TSHZ3: variants seen among roughly 807,000 people sequenced by gnomAD.
TSHZ3 encodes teashirt homolog 3.
Under a neutral mutation model 64.5 loss-of-function variants are expected in TSHZ3, and 10 were observed. The observed-to-expected ratio is 0.16, with a 90% CI of 0.10 to 0.26. The LOEUF (loss-of-function observed/expected upper bound fraction) is 0.26. TSHZ3 is among the 10% of genes least tolerant of loss of function. The pLI is 1.00. For missense variants in TSHZ3, 1,242 were observed against 1,421.7 expected (o/e 0.87, Z 2.03); for synonymous variants, 608 against 593.1 (o/e 1.03, Z -0.36).
At chr19:31,241,636 A>G (rs1305110969) in intron 3 of TSHZ3, among the ~76,000 whole-genome samples, 1 of 152,170 alleles carries the variant, frequency 6.6e-6, no homozygotes, top group Non-Finnish European at 1.5e-5. Flanking sequence ...TGCAGACTGC[A>G]GCCATTTGAA....
chr19:31,176,837 C>A (rs541126179), intron 5 of TSHZ3, among the ~76,000 whole-genome samples: 12 of 151,916 alleles, frequency 7.9e-5, no homozygotes, highest in African/African-American at 2.9e-4. Flanking sequence ...AAAAACACAA[C>A]GAGATACCAC....
At chr19:31,343,774 GT>G (rs765231750) in intron 1 of TSHZ3, among the ~76,000 whole-genome samples, 17 of 146,900 alleles carry the variant, frequency 1.2e-4, no homozygotes, top group Admixed American at 5.4e-4. Context: ...TACAATTCAG[GT>G]TTTTTTTTTG....
intron 1 of TSHZ3, among the ~76,000 whole-genome samples, chr19:31,267,689 G>A (rs901708647): frequency 2.0e-5 from 3 of 151,796 alleles, no homozygotes; most frequent in Admixed American, 6.6e-5. Context: ...GTCCCCACTC[G>A]CCCTTTGGAA....
chr19:31,232,925 T>C (rs1418523639), intron 3 of TSHZ3, among the ~76,000 whole-genome samples: 1 of 152,252 alleles, frequency 6.6e-6, no homozygotes, highest in Non-Finnish European at 1.5e-5. Context: ...CTGAGTAGTA[T>C]TCCGTGGTCT....
chr19:31,238,345 T>TC (rs1975646817), intron 3 of TSHZ3, among the ~76,000 whole-genome samples: 1 of 149,172 alleles, frequency 6.7e-6, no homozygotes, highest in Non-Finnish European at 1.5e-5. Flanking sequence ...AACCTCCACC[T>TC]CCCAGGTTCA....
chr19:31,250,746 A>C (rs1213154390), intron 1 of TSHZ3, among the ~76,000 whole-genome samples: 1 of 152,154 alleles, frequency 6.6e-6, no homozygotes, highest in Non-Finnish European at 1.5e-5. Flanking sequence ...AGTGGGGACA[A>C]GAATCATATT....
In TSHZ3 at chr19:31,276,704, G is replaced by T. The variant is rs546169817; in HGVS notation, c.3089C>A (p.Thr1030Lys). Residue 1030 changes from threonine (T) to lysine (K), a missense_variant, in exon 2 of 2, where the codon ACG (threonine) becomes AAG (lysine). Transcript: ENST00000240587. ...CCCCAGGTCTTCCTCGGGGGAGGAC[G>T]TCACCATTTTTTCTGACGGTGACTT... ...QTKSPSEKMV[T>K]SSPEEDLGTS... 2.5e-6 allele frequency: 4 copies of T among 1,613,552 alleles called. No homozygotes were observed. In the African/African-American group the frequency reaches 4.0e-5, roughly 16 times the overall value.
chr19:31,310,069 A>G (rs940304530), intron 1 of TSHZ3, among the ~76,000 whole-genome samples: 2 of 152,140 alleles, frequency 1.3e-5, no homozygotes, highest in African/African-American at 2.4e-5. Flanking sequence ...AATGCATGCA[A>G]GTATGTTTTC....
At chr19:31,219,560 C>T (rs1975373619) in intron 4 of TSHZ3, among the ~76,000 whole-genome samples, 1 of 152,044 alleles carries the variant, frequency 6.6e-6, no homozygotes, top group Non-Finnish European at 1.5e-5. Flanking sequence ...AATACAATAG[C>T]CACTAAAGAT....
intron 5 of TSHZ3, among the ~76,000 whole-genome samples, chr19:31,167,116 T>C (rs1306016807): frequency 6.6e-6 from 1 of 152,206 alleles, no homozygotes; most frequent in Non-Finnish European, 1.5e-5. Flanking sequence ...TTTGAGAAGA[T>C]GGACTGGAAA....
intron 1 of TSHZ3, among the ~76,000 whole-genome samples, chr19:31,320,391 G>A (rs368844396): frequency 6.6e-6 from 1 of 152,082 alleles, no homozygotes; most frequent in Non-Finnish European, 1.5e-5. Flanking sequence ...CGTGGCTGCC[G>A]TTCCTTCATT....
intron 5 of TSHZ3, among the ~76,000 whole-genome samples, chr19:31,189,268 G>A (rs923004063): frequency 6.6e-6 from 1 of 151,782 alleles, no homozygotes; most frequent in African/African-American, 2.4e-5. Context: ...TCTGTTCACT[G>A]TTGCCCTTCT....
At chr19:31,315,051 C>T (rs1322798207) in intron 1 of TSHZ3, among the ~76,000 whole-genome samples, 1 of 152,214 alleles carries the variant, frequency 6.6e-6, no homozygotes, top group Non-Finnish European at 1.5e-5. Context: ...GCACTGGACA[C>T]TTCTGTCCTG....
chr19:31,341,958 G>A (rs930212248), intron 1 of TSHZ3, among the ~76,000 whole-genome samples: 1 of 152,194 alleles, frequency 6.6e-6, no homozygotes, highest in Non-Finnish European at 1.5e-5. Flanking sequence ...CTCTCCTTTA[G>A]AATATCAATG....
chr19:31,193,894 G>A (rs1385934529), intron 5 of TSHZ3, among the ~76,000 whole-genome samples: 2 of 152,138 alleles, frequency 1.3e-5, no homozygotes, highest in Non-Finnish European at 2.9e-5. Flanking sequence ...TAGAAAAATA[G>A]TAATGTTTTC....
At position 31,210,745 on chromosome 19, in the gene TSHZ3, A is replaced by G. The variant is rs1337640597; in HGVS notation, n.687-5667T>C. ...AGAAACCTCAACAGGTTACAGATAC[A>G]TAATTTGAAAGAAAACAACCTTAAG... On this transcript the variant is annotated intron_variant and non_coding_transcript_variant, in intron 4 of 6. Transcript: ENST00000651361. 2.6e-5 allele frequency among the ~76,000 whole-genome samples: 4 copies of G among 152,212 alleles called. No homozygotes were observed. The East Asian group carries it at 5.8e-4, about 22-fold the overall frequency.
chr19:31,314,337 T>C (rs1916544664), intron 1 of TSHZ3, among the ~76,000 whole-genome samples: 1 of 152,096 alleles, frequency 6.6e-6, no homozygotes, highest in Non-Finnish European at 1.5e-5. Flanking sequence ...CAGGGAGGCA[T>C]GGTCGGCCAT....
Position 31,313,615 on chromosome 19 carries a change from C to T in TSHZ3, c.41-33863G>A, listed in dbSNP as rs1286661757. Among the ~76,000 whole-genome samples, 5 of 152,314 alleles carry T rather than the reference C, an allele frequency of 3.3e-5. No individual in the cohort carries two copies. In the South Asian group the frequency reaches 6.2e-4, roughly 19 times the overall value. On this transcript the variant is annotated intron_variant, in intron 1 of 1. Coordinates refer to ENST00000240587, the MANE Select transcript of TSHZ3 (RefSeq NM_020856.4). ...GTGAGGGTGAGGCCCATCCACCTCT[C>T]CCAGACACCCAGGAAACAGGCAGCG... is the stretch of plus-strand genomic sequence containing the variant.
At chr19:31,348,947 C>G (rs893916541) in intron 1 of TSHZ3, 5 of 508,568 alleles carry the variant, frequency 9.8e-6, no homozygotes, top group African/African-American at 8.2e-5. Flanking sequence ...CAGCGCGCTC[C>G]GCGAGCGGCT....
Sources: allele counts gnomAD v4.1 joint callset (sites outside exome capture counted in the v4.1 genomes callset), GRCh38; gene constraint gnomAD v4.1.1; transcripts MANE v1.5; gene names NCBI Gene and HGNC (gene_info 2026-07-23, HGNC 2026-07-21).